Variants in F5 observed in about 807,000 individuals in gnomAD.
F5 encodes the protein coagulation factor V.
F5 carries 138 observed loss-of-function variants against 216.4 expected under a neutral mutation model. The ratio of observed to expected loss-of-function variants is 0.64; its 90% CI spans 0.56 to 0.73. The LOEUF is 0.73. Among genes scored for constraint, F5 ranks in the 30% least tolerant of loss-of-function variants. The pLI is 0.00. For synonymous variants in F5, 916 were observed against 930.7 expected (o/e 0.98, Z 0.29); for missense variants, 2,403 against 2,674.0 (o/e 0.90, Z 2.24).
At position 169,564,286 on chromosome 1, in the gene F5, TC is replaced by T. The variant is rs137938060; in HGVS notation, c.374-3521del. Among the ~76,000 whole-genome samples, 4 of 152,238 alleles carry T rather than the reference TC, an allele frequency of 2.6e-5. No individual in the cohort carries two copies. In the East Asian group the frequency reaches 5.8e-4, roughly 22 times the overall value. ...TCAGTATTCAACTTGACAAAACCTC[TC>T]TGTAGATTCTCTAGAGCTCTTTCTC... On this transcript the variant is annotated intron_variant, in intron 3 of 24. Coordinates refer to ENST00000367797, the MANE Select transcript of F5 (RefSeq NM_000130.5).
At chr1:169,519,480 G>A (rs1043232456) in intron 22 of F5, among the ~76,000 whole-genome samples, 4 of 152,150 alleles carry the variant, frequency 2.6e-5, no homozygotes, top group South Asian at 2.1e-4. Context: ...TGGTCCTGCC[G>A]ATACAAGATC....
At chr1:169,527,856 C>T (rs1659495730) in intron 17 of F5, 59 bp downstream of exon 17, 11 of 1,592,516 alleles carry the variant, frequency 6.9e-6, no homozygotes, top group East Asian at 2.2e-5. Context: ...GAAGGAGTTA[C>T]AGATTGCCTT....
intron 2 of F5, among the ~76,000 whole-genome samples, chr1:169,580,388 GTT>G (rs539235732): frequency 9.4e-5 from 13 of 138,090 alleles, no homozygotes; most frequent in African/African-American, 1.5e-4. Flanking sequence ...TGTTGTTGTT[GTT>G]TTTTTTTTTT....
At chr1:169,539,328 G>A (rs189684177) in intron 13 of F5, among the ~76,000 whole-genome samples, 1 of 152,226 alleles carries the variant, frequency 6.6e-6, no homozygotes, top group East Asian at 1.9e-4. Context: ...AGTGGGTAAA[G>A]CAACTCCGAA....
intron 19 of F5, 107 bp from the exon 20 acceptor site, chr1:169,524,011 T>C (rs1334182327): frequency 1.5e-5 from 14 of 929,960 alleles, no homozygotes; most frequent in Non-Finnish European, 2.2e-5. Flanking sequence ...GGACCTGTGT[T>C]GTAGTCAGGA....
At chr1:169,559,101 A>G in intron 5 of F5, 52 bp downstream of exon 5, 1 of 1,610,500 alleles carries the variant, frequency 6.2e-7, no homozygotes. Context: ...ACAGGACCGA[A>G]AAATTACTAA....
At chr1:169,516,848 C>T (rs1464811433) in intron 23 of F5, among the ~76,000 whole-genome samples, 1 of 152,134 alleles carries the variant, frequency 6.6e-6, no homozygotes, top group African/African-American at 2.4e-5. Flanking sequence ...CGAATTCTAA[C>T]TTTGAAATGA....
chr1:169,556,918 C>T, intron 5 of F5, 51 bp from the exon 6 acceptor site: 1 of 1,522,978 alleles, frequency 6.6e-7, no homozygotes, highest in Non-Finnish European at 9.0e-7. Context: ...GTCAAGTACT[C>T]TGTGATCAAA....
chr1:169,533,452 G>A (rs531896719), intron 14 of F5, among the ~76,000 whole-genome samples: 1 of 152,136 alleles, frequency 6.6e-6, no homozygotes, highest in Non-Finnish European at 1.5e-5. Flanking sequence ...GCTATCTACA[G>A]AGTGAACAGA....
Position 169,513,242 on chromosome 1 carries a change from C to A in F5, c.*1071G>T, listed in dbSNP as rs114322489. On this transcript the variant is annotated 3_prime_UTR_variant, in exon 25 of 25. Transcript: ENST00000367797. Reference sequence around the variant, plus strand: ...AAGCTAAGTAACAAATCCATAATCTCACATAAATTTTTTTTGGTTGCTCTT... The same window carrying A: ...AAGCTAAGTAACAAATCCATAATCTAACATAAATTTTTTTTGGTTGCTCTT... Among the ~76,000 whole-genome samples, 79 of 152,124 alleles carry A rather than the reference C, an allele frequency of 5.2e-4. No individual in the cohort carries two copies. Among genetic ancestry groups the A allele is most frequent in the African/African-American group, 1.9e-3 (78 of 41,528 alleles).
rs183093753 is a variant in F5 at position 169,561,325 on chromosome 1, T to C, written c.374-559A>G. ...CAGCGTCTAACTCCCCTATGCAGGC[T>C]GGTTGTCTGTATGAATATGAAATGT... is the stretch of plus-strand genomic sequence containing the variant. On this transcript the variant is annotated intron_variant, in intron 3 of 24. Coordinates refer to ENST00000367797, the MANE Select transcript of F5 (RefSeq NM_000130.5). Among the ~76,000 whole-genome samples, 4 of 152,200 alleles carry C rather than the reference T, an allele frequency of 2.6e-5. No individual in the cohort carries two copies. The East Asian group carries it at 7.8e-4, about 30-fold the overall frequency.
chr1:169,544,243 A>T, intron 12 of F5, 53 bp downstream of exon 12: 1 of 1,512,394 alleles, frequency 6.6e-7, no homozygotes, highest in Non-Finnish European at 9.2e-7. Flanking sequence ...AGACCTTTAT[A>T]GACCAGAAAT....
intron 3 of F5, among the ~76,000 whole-genome samples, chr1:169,571,478 G>C (rs1207443190): frequency 6.6e-6 from 1 of 152,094 alleles, no homozygotes; most frequent in African/African-American, 2.4e-5. Flanking sequence ...ATTTTAACTT[G>C]TCTGCCTTTA....
At chr1:169,519,440 C>T (rs1206328182) in intron 22 of F5, among the ~76,000 whole-genome samples, 1 of 152,182 alleles carries the variant, frequency 6.6e-6, no homozygotes, top group South Asian at 2.1e-4. Context: ...AAGAAAAAAA[C>T]GCAATGACTT....
chr1:169,534,833 T>C (rs2101814178), intron 14 of F5, among the ~76,000 whole-genome samples: 1 of 152,228 alleles, frequency 6.6e-6, no homozygotes, highest in South Asian at 2.1e-4. Flanking sequence ...ATATGCACCA[T>C]GGAATACTAC....
Position 169,586,267 on chromosome 1 carries a change from G to T in F5, c.120C>A (p.Gly40=), listed in dbSNP as rs1248464100. ...GCTCAGGTCGGTAGCTCCAACTGAT[G>T]CCCTGAGCAGCCACGTAGAACTGCC... ...QLRQFYVAAQ[G]ISWSYRPEPT... is the part of the protein sequence containing the mutation. Residue 40 remains glycine (G), a synonymous_variant, in exon 1 of 25, where the codon GGC becomes GGA. Coordinates refer to ENST00000367797, the MANE Select transcript of F5 (RefSeq NM_000130.5). 1.2e-6 allele frequency: 2 copies of T among 1,614,058 alleles called. No homozygotes were observed. The highest frequency in any genetic ancestry group is 1.3e-5 in the African/African-American group (1 of 74,934).
rs7522982 is a variant in F5 at position 169,560,938 on chromosome 1, C to G, written c.374-172G>C. Among the ~76,000 whole-genome samples, 49,035 of 151,982 alleles carry G rather than the reference C, an allele frequency of 0.32. 10,517 individuals carry two copies. Among genetic ancestry groups the G allele is most frequent in the East Asian group, 0.65 (3,351 of 5,150 alleles). ...ATATGCCCATTTCTATGCTCATGTA[C>G]TTACAAAGGCTTTGATAACATGGTG... On this transcript the variant is annotated intron_variant, in intron 3 of 24. Coordinates refer to ENST00000367797, the MANE Select transcript of F5 (RefSeq NM_000130.5).
chr1:169,564,892 ACCATAAGTTGAG>A (rs1169078398), intron 3 of F5, among the ~76,000 whole-genome samples: 1 of 152,120 alleles, frequency 6.6e-6, no homozygotes, highest in African/African-American at 2.4e-5. Context: ...GAGCATGGAA[ACCATAAGTTGAG>A]TAGGTATATC....
In F5 at chr1:169,529,733, T is replaced by A; in HGVS notation, c.5294A>T (p.Asp1765Val). ...AAATAGTAAGACAAATTCTCTCATG[T>A]CCATAGGCATGTTGCTGTCCTTATG... is the stretch of plus-strand genomic sequence containing the variant. ...ILHKDSNMPM[D>V]MREFVLLFMT... Residue 1765 changes from aspartate (D) to valine (V), a missense_variant, in exon 16 of 25, where the codon GAC becomes GTC. Asp to Val is a radical substitution (Grantham distance 152, BLOSUM62 -3). Transcript: ENST00000367797. The A allele has an allele frequency of 6.2e-7, 1 of 1,613,818 alleles. No homozygotes were observed. The highest frequency in any genetic ancestry group is 8.5e-7 in the Non-Finnish European group (1 of 1,179,798).
Sources: gnomAD v4.1 joint callset for allele counts (sites outside exome capture counted in the v4.1 genomes callset) on GRCh38, gnomAD v4.1.1 for gene constraint, MANE v1.5 for transcripts, NCBI Gene and HGNC (gene_info 2026-07-23, HGNC 2026-07-21) for gene names.